Variants in DHCR24 observed in about 807,000 individuals in gnomAD.
The protein encoded by DHCR24 is 24-dehydrocholesterol reductase, also known as delta(24)-sterol reductase.
A neutral mutation model predicts 61.2 loss-of-function variants in DHCR24; 28 were observed. The ratio of observed to expected loss-of-function variants is 0.46; its 90% CI spans 0.34 to 0.63. DHCR24 has a LOEUF of 0.63. Among genes scored for constraint, DHCR24 ranks in the 20% least tolerant of loss-of-function variants. The pLI is 0.01. For synonymous variants in DHCR24, 261 were observed against 275.9 expected (o/e 0.95, Z 0.54); for missense variants, 538 against 679.1 (o/e 0.79, Z 2.31).
At position 54,883,637 on chromosome 1, in the gene DHCR24, T is replaced by G. The variant is rs768977654; in HGVS notation, c.368A>C (p.Glu123Ala). 1.9e-6 allele frequency: 3 copies of G among 1,614,232 alleles called. No homozygotes were observed. The Admixed American group carries it at 5.0e-5, about 27-fold the overall frequency. ...TCTCACCTGTTTCTTGGTGTCCACT[T>G]CCAGAATGTCCATCAGGTTGATCAT... ...NIMINLMDIL[E>A]VDTKKQIVRV... Residue 123 changes from glutamate to alanine, a missense_variant, in exon 2 of 9, where the codon GAA becomes GCA. Physicochemically the swap from Glu to Ala is moderately radical, Grantham distance 107. Coordinates refer to ENST00000371269, the MANE Select transcript of DHCR24 (RefSeq NM_014762.4). The surrounding 1 kb of genome is among the most constrained non-coding windows in gnomAD (Gnocchi z 4.3).
At chr1:54,864,576 T>G (rs2101564773) in intron 6 of DHCR24, among the ~76,000 whole-genome samples, 1 of 152,304 alleles carries the variant, frequency 6.6e-6, no homozygotes, top group East Asian at 1.9e-4. Context: ...GGGTTTCCTT[T>G]TCAGAGATGA....
At position 54,887,029 on chromosome 1, in the gene DHCR24, G is replaced by A. The variant is rs1376073442; in HGVS notation, c.91C>T (p.Arg31Cys). 1 of 1,613,228 alleles carries A rather than the reference G, an allele frequency of 6.2e-7. No individual in the cohort carries two copies. The highest frequency in any genetic ancestry group is 8.5e-7 in the Non-Finnish European group (1 of 1,179,624). Reference sequence around the variant, plus strand: ...AGGAAGAGGCACACGAACACCCAGCGCTGGTGGATGAGCACGAACTCCAGC... The same window carrying A: ...AGGAAGAGGCACACGAACACCCAGCACTGGTGGATGAGCACGAACTCCAGC... ...KGLEFVLIHQ[R>C]WVFVCLFLLP... The change falls in exon 1 of 9, where the codon CGC becomes TGC. Residue 31 changes from arginine to cysteine, a missense_variant. Coordinates refer to ENST00000371269, the MANE Select transcript of DHCR24 (RefSeq NM_014762.4).
In DHCR24 at chr1:54,871,867, T is replaced by C. The variant is rs659161; in HGVS notation, c.613-254A>G. Among the ~76,000 whole-genome samples the C allele has an allele frequency of 1, 152,281 of 152,296 alleles. 76,133 individuals are homozygous for C. The highest frequency in any genetic ancestry group is 1 in the Non-Finnish European group (68,030 of 68,030). On this transcript the variant is annotated intron_variant, in intron 4 of 8. Transcript: ENST00000371269. ...GAGCATCCTCCTTCTCCCATCTAGG[T>C]ACAGCCCCTGACCCAGAGGCTATTC...
Sources: allele counts gnomAD v4.1 joint callset (sites outside exome capture counted in the v4.1 genomes callset), GRCh38; gene constraint gnomAD v4.1.1; non-coding constraint Gnocchi (gnomAD v3.1); transcripts MANE v1.5; gene names NCBI Gene and HGNC (gene_info 2026-07-23, HGNC 2026-07-21).